Variants in ANOS1 observed in about 807,000 individuals in gnomAD.
ANOS1 encodes anosmin 1.
In ANOS1, 6 loss-of-function variants were observed where a neutral mutation model predicts 59.0. The ratio of observed to expected loss-of-function variants is 0.10; its 90% confidence interval spans 0.06 to 0.20. ANOS1 has a LOEUF of 0.20. Among genes scored for constraint, ANOS1 ranks in the 10% least tolerant of loss-of-function variants. The pLI, the probability that ANOS1 is intolerant of heterozygous loss-of-function variation, is 1.00. For synonymous variants in ANOS1, 217 were observed against 223.4 expected (o/e 0.97, Z 0.25); for missense variants, 433 against 542.3 (o/e 0.80, Z 2.00).
At chrX:8,599,421 G>C (rs189807650) in intron 3 of ANOS1, among the ~76,000 whole-genome samples, 55 of 111,216 alleles carry the variant, frequency 4.9e-4, no homozygotes, top group African/African-American at 1.8e-3. Flanking sequence ...CCTAACCAGG[G>C]CTCATTACTG....
Position 8,643,352 on chromosome X carries a change from G to T in ANOS1, c.256-19682C>A, listed in dbSNP as rs1037531764. Among the ~76,000 whole-genome samples the T allele has an allele frequency of 2.2e-4, 24 of 110,963 alleles. No individual in the cohort carries two copies. In the Admixed American group the frequency reaches 2.2e-3, roughly 10 times the overall value. ...AATCATGTGTTGCATTAATAAGTTG[G>T]GCCCTTTCATTTTGTGTTATGCTGT... On this transcript the variant is annotated intron_variant, in intron 2 of 13. Coordinates refer to ENST00000262648, the MANE Select transcript of ANOS1 (RefSeq NM_000216.4).
chrX:8,544,748 T>G (rs1052240402), intron 9 of ANOS1, among the ~76,000 whole-genome samples: 3 of 109,991 alleles, frequency 2.7e-5, no homozygotes, highest in African/African-American at 9.9e-5. Context: ...AGACCGCATC[T>G]CTACAAAAAA....
chrX:8,597,006 T>A, intron 4 of ANOS1, 28 bp downstream of exon 4: 1 of 1,211,129 alleles, frequency 8.3e-7, no homozygotes, highest in Non-Finnish European at 1.1e-6. Flanking sequence ...ACTGCATGTG[T>A]CTTCACACCC....
intron 12 of ANOS1, 63 bp from the exon 13 acceptor site, chrX:8,534,523 CAG>C: frequency 1.8e-6 from 2 of 1,120,700 alleles, no homozygotes; most frequent in Non-Finnish European, 2.4e-6. Context: ...ATGCAATGCA[CAG>C]AGAGCCTAGA....
intron 9 of ANOS1, among the ~76,000 whole-genome samples, chrX:8,552,495 A>G (rs142286051): frequency 8.9e-6 from 1 of 112,201 alleles, no homozygotes; most frequent in Non-Finnish European, 1.9e-5. Context: ...ATATAAATGA[A>G]TGAATTGTTT....
intron 9 of ANOS1, among the ~76,000 whole-genome samples, chrX:8,552,985 A>G (rs1929881231): frequency 9.1e-6 from 1 of 110,099 alleles, no homozygotes; most frequent in Non-Finnish European, 1.9e-5. Context: ...TGGAATAGGA[A>G]CCACTCCAAC....
intron 2 of ANOS1, among the ~76,000 whole-genome samples, chrX:8,698,823 T>G (rs962961307): frequency 8.9e-6 from 1 of 112,284 alleles, no homozygotes; most frequent in East Asian, 2.8e-4. Context: ...AGGAATATTA[T>G]TCTATAATAA....
chrX:8,651,279 G>A (rs1931846777), intron 2 of ANOS1, among the ~76,000 whole-genome samples: 2 of 112,236 alleles, frequency 1.8e-5, no homozygotes, highest in African/African-American at 3.2e-5. Flanking sequence ...CCATGCCCTC[G>A]TCCTTAACAC....
At chrX:8,659,405 T>C (rs186028375) in intron 2 of ANOS1, among the ~76,000 whole-genome samples, 55 of 108,248 alleles carry the variant, frequency 5.1e-4, no homozygotes, top group Non-Finnish European at 9.6e-4. Flanking sequence ...AGTGAGACTC[T>C]TTCTCTCTCT....
In ANOS1 at chrX:8,731,826, G is replaced by T. The variant is rs1405262767; in HGVS notation, c.207+4C>A. The T allele has an allele frequency of 5.9e-6, 7 of 1,186,914 alleles. No individual in the cohort carries two copies. Among genetic ancestry groups the T allele is most frequent in the Non-Finnish European group, 7.9e-6 (7 of 884,382 alleles). ...AAAGAACCCGGGCGGGGGCCTCCCCGTACCTGGAAGTGCTGGAAGAAGGCG... is the reference window on the plus strand; with the variant it reads ...AAAGAACCCGGGCGGGGGCCTCCCCTTACCTGGAAGTGCTGGAAGAAGGCG... On this transcript the variant is annotated splice_donor_region_variant and intron_variant, in intron 1 of 13. Coordinates refer to ENST00000262648, the MANE Select transcript of ANOS1 (RefSeq NM_000216.4).
At position 8,677,814 on chromosome X, in the gene ANOS1, A is replaced by T. The variant is rs762159989; in HGVS notation, c.255+21884T>A. The stretch of plus-strand genomic sequence containing the variant: ...AACTCAGAGCAGTAAGAGAGCTCAT[A>T]ACCTAGCAAGGCATAAAAAGGTACA... On this transcript the variant is annotated intron_variant, in intron 2 of 13. Transcript: ENST00000262648. Among the ~76,000 whole-genome samples the T allele has an allele frequency of 1.5e-4, 17 of 111,892 alleles. No individual in the cohort carries two copies. The South Asian group carries it at 6.4e-3, about 42-fold the overall frequency.
intron 1 of ANOS1, among the ~76,000 whole-genome samples, chrX:8,716,917 GAT>G (rs1268213336): frequency 9.0e-6 from 1 of 111,581 alleles, no homozygotes; most frequent in Non-Finnish European, 1.9e-5. Context: ...AATAGATATG[GAT>G]ATCCCGATAC....
In ANOS1 at chrX:8,597,140, G is replaced by A. The variant is rs761983551; in HGVS notation, c.435C>T (p.Ala145=). ...CAACTTCGCAGCTTTCAACACAGGCGGCCGCAAATCCACTGGCTTTCTCAG... is the reference window on the plus strand; with the variant it reads ...CAACTTCGCAGCTTTCAACACAGGCAGCCGCAAATCCACTGGCTTTCTCAG... ...PAPEKASGFA[A]ACVESCEVDN... The change falls in exon 4 of 14, where the codon GCC becomes GCT. Residue 145 remains alanine, a synonymous_variant. Transcript: ENST00000262648. 1.4e-5 allele frequency: 17 copies of A among 1,209,599 alleles called. No individual in the cohort carries two copies. The highest frequency in any genetic ancestry group is 8.8e-5 in the African/African-American group (5 of 56,996).
chrX:8,591,615 G>A (rs186276365), intron 4 of ANOS1, among the ~76,000 whole-genome samples: 1,143 of 112,020 alleles, frequency 0.01, 21 homozygotes, highest in African/African-American at 0.035. Flanking sequence ...CTTTAATTAT[G>A]ATGAAGCATG....
intron 2 of ANOS1, among the ~76,000 whole-genome samples, chrX:8,626,110 T>A (rs1431706941): frequency 1.5e-4 from 3 of 19,419 alleles, no homozygotes; most frequent in South Asian, 3.6e-3. Flanking sequence ...AGACTCTGTC[T>A]CAAAAAAAAA....
chrX:8,594,581 C>T (rs1930676899), intron 4 of ANOS1, among the ~76,000 whole-genome samples: 1 of 95,202 alleles, frequency 1.1e-5, no homozygotes, highest in Non-Finnish European at 2.1e-5. Flanking sequence ...TGTCAAAGCT[C>T]CCAGGACATG....
chrX:8,658,967 G>A (rs755218611), intron 2 of ANOS1, among the ~76,000 whole-genome samples: 3 of 111,543 alleles, frequency 2.7e-5, no homozygotes, highest in Admixed American at 9.5e-5. Context: ...GGTGGCTCAC[G>A]TCTGTAATCC....
intron 2 of ANOS1, among the ~76,000 whole-genome samples, chrX:8,644,332 C>T (rs977163074): frequency 1.1e-4 from 12 of 110,840 alleles, no homozygotes; most frequent in African/African-American, 3.9e-4. Context: ...GACAGACATG[C>T]CTCCTTCCTT....
intron 2 of ANOS1, among the ~76,000 whole-genome samples, chrX:8,642,540 CA>C (rs5901373): frequency 0.041 from 3,896 of 94,850 alleles, 179 homozygotes; most frequent in African/African-American, 0.14. Context: ...TGTTATTAGG[CA>C]AAAAAAAAAA....
Sources: allele counts gnomAD v4.1 joint callset (sites outside exome capture counted in the v4.1 genomes callset), GRCh38; gene constraint gnomAD v4.1.1; transcripts MANE v1.5; gene names NCBI Gene and HGNC (gene_info 2026-07-23, HGNC 2026-07-21).